UBE2W: variants seen among roughly 807,000 people sequenced by gnomAD.
UBE2W encodes the protein ubiquitin-conjugating enzyme E2 W.
Under a neutral mutation model 27.2 loss-of-function variants are expected in UBE2W, and 18 were observed. The ratio of observed to expected loss-of-function variants is 0.66; its 90% CI spans 0.46 to 0.98. The LOEUF (loss-of-function observed/expected upper bound fraction) is 0.98. Ranked by LOEUF, UBE2W falls within the 50% of genes least tolerant of loss-of-function variation. UBE2W has a pLI of 0.00. For missense variants in UBE2W, 90 were observed against 180.2 expected (o/e 0.50, Z 2.87); for synonymous variants, 53 against 57.2 (o/e 0.93, Z 0.33).
chr8:73,866,290 A>AAAAAATAT (rs1248216873), intron 1 of UBE2W, among the ~76,000 whole-genome samples: 2 of 43,090 alleles, frequency 4.6e-5, no homozygotes, highest in African/African-American at 9.9e-5. Context: ...AAAAAAAAAA[A>AAAAAATAT]ATATATATAT....
chr8:73,860,500 G>A (rs1460215320), intron 1 of UBE2W, among the ~76,000 whole-genome samples: 1 of 152,088 alleles, frequency 6.6e-6, no homozygotes. Flanking sequence ...CCCTCATTGA[G>A]TTAAAAATCT....
chr8:73,788,183 T>C lies in UBE2W; in HGVS notation c.*5919A>G. On this transcript the variant is annotated 3_prime_UTR_variant, in exon 6 of 6. Transcript: ENST00000602593. ...TATGAAATTCCATAAAGCAAAGTAA[T>C]CTGCATTCAACTAACAAGTCTGATA... 1 of 966,730 alleles carries C rather than the reference T, an allele frequency of 1.0e-6. No individual in the cohort carries two copies. The highest frequency in any genetic ancestry group is 1.2e-6 in the Non-Finnish European group (1 of 813,134). The allele number at this position is 966,730 out of a possible 1,614,324, so 59.9% of individuals were successfully genotyped here.
chr8:73,851,378 AGAG>A (rs1811071192), intron 1 of UBE2W, among the ~76,000 whole-genome samples: 1 of 152,146 alleles, frequency 6.6e-6, no homozygotes, highest in South Asian at 2.1e-4. Context: ...CTGAGAAAGA[AGAG>A]ATCAGCTAGA....
rs1812361606 is a variant in UBE2W at position 73,878,845 on chromosome 8, C to T, written c.-23G>A. 6.5e-7 allele frequency: 1 copy of T among 1,548,610 alleles called. No individual in the cohort carries two copies. The highest frequency in any genetic ancestry group is 2.5e-5 in the East Asian group (1 of 40,564). On this transcript the variant is annotated 5_prime_UTR_variant, in exon 1 of 6. Transcript: ENST00000602593. ...CATGATGGAACCATCCCCCCAAGACCGGCGAGGCCAGAGACGCAGGGGGAG... is the reference window on the plus strand; with the variant it reads ...CATGATGGAACCATCCCCCCAAGACTGGCGAGGCCAGAGACGCAGGGGGAG...
At chr8:73,858,895 TG>T (rs1811419177) in intron 1 of UBE2W, among the ~76,000 whole-genome samples, 1 of 150,766 alleles carries the variant, frequency 6.6e-6, no homozygotes, top group African/African-American at 2.4e-5. Flanking sequence ...TGTGTGTGTG[TG>T]TGTGTGTGTG....
intron 1 of UBE2W, among the ~76,000 whole-genome samples, chr8:73,854,031 C>G (rs936970524): frequency 2.6e-5 from 4 of 152,152 alleles, no homozygotes; most frequent in African/African-American, 9.6e-5. Flanking sequence ...CGCTTGTAGT[C>G]CCAGCTACTC....
chr8:73,871,106 G>A (rs1458435429), intron 1 of UBE2W, among the ~76,000 whole-genome samples: 1 of 152,164 alleles, frequency 6.6e-6, no homozygotes, highest in Non-Finnish European at 1.5e-5. Context: ...AACGGATGAG[G>A]GCAGAAGTAG....
At chr8:73,865,809 T>A (rs1180864976) in intron 1 of UBE2W, among the ~76,000 whole-genome samples, 1 of 152,174 alleles carries the variant, frequency 6.6e-6, no homozygotes, top group Non-Finnish European at 1.5e-5. Context: ...TTTTTTAAAT[T>A]TTATCTTATG....
At chr8:73,855,427 G>T in intron 1 of UBE2W, among the ~76,000 whole-genome samples, 1 of 122,570 alleles carries the variant, frequency 8.2e-6, no homozygotes, top group South Asian at 2.6e-4. Flanking sequence ...TTTGAGACAA[G>T]GTCTCACTCT....
At chr8:73,863,609 A>C (rs545445468) in intron 1 of UBE2W, among the ~76,000 whole-genome samples, 2 of 151,638 alleles carry the variant, frequency 1.3e-5, no homozygotes, top group African/African-American at 4.8e-5. Context: ...AATACAAAAA[A>C]TAGCCAGGCA....
intron 1 of UBE2W, among the ~76,000 whole-genome samples, chr8:73,874,762 T>C (rs1229512785): frequency 6.6e-6 from 1 of 152,260 alleles, no homozygotes; most frequent in Non-Finnish European, 1.5e-5. Flanking sequence ...TATAACATTC[T>C]CTTAATGATG....
chr8:73,785,750 C>A (rs1025312753), downstream of UBE2W, among the ~76,000 whole-genome samples: 2 of 151,822 alleles, frequency 1.3e-5, no homozygotes, highest in African/African-American at 2.4e-5. Context: ...CACCACCACG[C>A]CGTTATTTTA....
In UBE2W at chr8:73,787,149, A is replaced by G; in HGVS notation, c.*6953T>C. 1 of 985,480 alleles carries G rather than the reference A, an allele frequency of 1.0e-6. No individual in the cohort carries two copies. The highest frequency in any genetic ancestry group is 1.2e-6 in the Non-Finnish European group (1 of 829,940). The allele number at this position is 985,480 out of a possible 1,614,324, so 61.0% of individuals were successfully genotyped here. On this transcript the variant is annotated 3_prime_UTR_variant, in exon 6 of 6. Coordinates refer to ENST00000602593, the MANE Select transcript of UBE2W (RefSeq NM_018299.6). ...CATTATGCAGGCAAACATTAAAAATAAATCTTACAGGCAACTAAAAAAATG... is the reference window on the plus strand; with the variant it reads ...CATTATGCAGGCAAACATTAAAAATGAATCTTACAGGCAACTAAAAAAATG...
At chr8:73,875,173 A>G (rs957272640) in intron 1 of UBE2W, among the ~76,000 whole-genome samples, 2 of 152,264 alleles carry the variant, frequency 1.3e-5, no homozygotes, top group Non-Finnish European at 2.9e-5. Flanking sequence ...AAGGGATCAC[A>G]TAAGTCTGAA....
Position 73,792,073 on chromosome 8 carries a change from A to T in UBE2W, c.*2029T>A, listed in dbSNP as rs913725714. On this transcript the variant is annotated 3_prime_UTR_variant, in exon 6 of 6. Coordinates refer to ENST00000602593, the MANE Select transcript of UBE2W (RefSeq NM_018299.6). ...AGATTTCTCCCTAACCCCCAGAAGA[A>T]GATCAAGTCAAACAGTAGTGTAGAG... 35 of 985,200 alleles carry T rather than the reference A, an allele frequency of 3.6e-5. No homozygotes were observed. In the Admixed American group the frequency reaches 1.9e-3, roughly 54 times the overall value. 61.0% of individuals were successfully genotyped at this position (985,200 alleles called of 1,614,324 possible). A position where few individuals can be genotyped will look rare whatever the true frequency, so the allele number is the denominator to read the frequency against.
At chr8:73,857,522 A>AAAT (rs1811356553) in intron 1 of UBE2W, among the ~76,000 whole-genome samples, 2 of 152,228 alleles carry the variant, frequency 1.3e-5, no homozygotes, top group South Asian at 4.1e-4. Flanking sequence ...AAGCCTTCTT[A>AAAT]AAAACAACTT....
intron 3 of UBE2W, among the ~76,000 whole-genome samples, chr8:73,822,327 C>T (rs1049359397): frequency 6.6e-6 from 1 of 152,036 alleles, no homozygotes; most frequent in Non-Finnish European, 1.5e-5. Context: ...AATCCCTAAG[C>T]CTAGCTGGGA....
intron 1 of UBE2W, among the ~76,000 whole-genome samples, chr8:73,866,540 A>G (rs1235021825): frequency 6.6e-6 from 1 of 151,626 alleles, no homozygotes; most frequent in Non-Finnish European, 1.5e-5. Flanking sequence ...ATTATATGCA[A>G]AAATGAATTC....
chr8:73,816,991 G>A (rs375957576), intron 3 of UBE2W, among the ~76,000 whole-genome samples: 12 of 151,928 alleles, frequency 7.9e-5, no homozygotes, highest in Admixed American at 1.3e-4. Context: ...CCAAGATTGC[G>A]CCACTTCACT....
Sources: gnomAD v4.1 joint callset for allele counts (sites outside exome capture counted in the v4.1 genomes callset) on GRCh38, gnomAD v4.1.1 for gene constraint, MANE v1.5 for transcripts, NCBI Gene and HGNC (gene_info 2026-07-23, HGNC 2026-07-21) for gene names.